Variants in TMEM44 observed in about 807,000 individuals in gnomAD.
The protein encoded by TMEM44 is transmembrane protein 44.
TMEM44 carries 43 observed loss-of-function variants against 47.8 expected under a neutral mutation model. That is an observed-to-expected ratio of 0.90 (90% CI 0.70 to 1.16). The LOEUF is 1.16. Ranked by LOEUF, TMEM44 falls within the 50% of genes most tolerant of loss-of-function variation. The pLI is 0.00. For synonymous variants in TMEM44, 277 were observed against 238.8 expected (o/e 1.16, Z -1.48); for missense variants, 568 against 555.2 (o/e 1.02, Z -0.23).
intron 9 of TMEM44, among the ~76,000 whole-genome samples, chr3:194,599,070 C>T (rs949939935): frequency 8.5e-5 from 13 of 152,170 alleles, no homozygotes; most frequent in East Asian, 1.9e-4. Context: ...CTGAGCCCAA[C>T]GCCATGAAAT....
chr3:194,617,326 G>A (rs1716023831), intron 5 of TMEM44, 57 bp from the exon 6 acceptor site: 3 of 1,458,946 alleles, frequency 2.1e-6, no homozygotes, highest in South Asian at 1.4e-5. Flanking sequence ...AAGACCCAGG[G>A]CCCTCAGTGG....
intron 5 of TMEM44, 148 bp from the exon 6 acceptor site, chr3:194,617,417 C>T (rs1161841212): frequency 4.2e-6 from 4 of 960,500 alleles, no homozygotes; most frequent in Admixed American, 3.0e-5. Context: ...AGCTTTTGCT[C>T]GAGTTGCTTC....
At chr3:194,599,362 G>C (rs1159338652) in intron 9 of TMEM44, among the ~76,000 whole-genome samples, 1 of 152,100 alleles carries the variant, frequency 6.6e-6, no homozygotes. Flanking sequence ...GCGAAGTGTG[G>C]TGACACTTCA....
chr3:194,615,781 C>T, intron 6 of TMEM44, 84 bp from the exon 7 acceptor site: 1 of 1,538,382 alleles, frequency 6.5e-7, no homozygotes, highest in Non-Finnish European at 8.8e-7. Context: ...ATGCTGCCAC[C>T]CCCCTCCCCA....
intron 7 of TMEM44, among the ~76,000 whole-genome samples, chr3:194,614,009 C>A (rs1250710409): frequency 1.3e-5 from 2 of 151,840 alleles, no homozygotes; most frequent in Non-Finnish European, 2.9e-5. Flanking sequence ...GTAATCCCAG[C>A]TACTTGGGAG....
chr3:194,592,078 C>T lies in TMEM44; in HGVS notation c.1177-3439G>A, dbSNP rs999454447. On this transcript the variant is annotated intron_variant, in intron 9 of 9. Coordinates refer to ENST00000347147, the MANE Select transcript of TMEM44 (RefSeq NM_001011655.3). ...CTAAAAATACAAAAAATTAGCCGGGCGCGGTGGCGGGCGCCTGTAGTCCCA... is the reference window on the plus strand; with the variant it reads ...CTAAAAATACAAAAAATTAGCCGGGTGCGGTGGCGGGCGCCTGTAGTCCCA... 1.8e-4 allele frequency among the ~76,000 whole-genome samples: 27 copies of T among 152,014 alleles called. No homozygotes were observed. The South Asian group carries it at 2.3e-3, about 13-fold the overall frequency.
intron 5 of TMEM44, chr3:194,622,699 C>T (rs1190368531): frequency 6.5e-6 from 1 of 152,748 alleles, no homozygotes; most frequent in African/African-American, 2.4e-5. Context: ...CAAGCATGCA[C>T]CACCATGCCT....
Position 194,623,014 on chromosome 3 carries a change from C to A in TMEM44, c.612+210G>T, listed in dbSNP as rs1716730055. 8.3e-6 allele frequency: 4 copies of A among 483,464 alleles called. No homozygotes were observed. The Admixed American group carries it at 1.7e-4, about 21-fold the overall frequency. 29.9% of individuals were successfully genotyped at this position (483,464 alleles called of 1,614,324 possible). On this transcript the variant is annotated intron_variant, in intron 5 of 9. Transcript: ENST00000347147. ...CGGGCTTTCCCCGAGAGGCTCCCGC[C>A]GTCCTCAGGACGCCCTGGGTTGGCT... is the stretch of plus-strand genomic sequence containing the variant.
chr3:194,626,118 G>T, intron 2 of TMEM44, 128 bp from the exon 3 acceptor site: 1 of 687,132 alleles, frequency 1.5e-6, no homozygotes, highest in South Asian at 1.7e-5. Context: ...ACTCCTCCAG[G>T]GACACCTCCT....
intron 9 of TMEM44, among the ~76,000 whole-genome samples, chr3:194,591,357 G>A (rs923671705): frequency 6.7e-6 from 1 of 149,714 alleles, no homozygotes; most frequent in African/African-American, 2.5e-5. Flanking sequence ...AGCCAGGCAT[G>A]GTGACAGGCG....
intron 9 of TMEM44, among the ~76,000 whole-genome samples, chr3:194,591,197 GAAAT>G (rs1353997758): frequency 4.7e-5 from 7 of 149,880 alleles, no homozygotes; most frequent in African/African-American, 7.4e-5. Context: ...TCCATCTCAA[GAAAT>G]AAATAAATAG....
At chr3:194,620,298 A>AG (rs1201713377) in intron 5 of TMEM44, among the ~76,000 whole-genome samples, 1 of 151,366 alleles carries the variant, frequency 6.6e-6, no homozygotes, top group Non-Finnish European at 1.5e-5. Flanking sequence ...TCAAAAAAAA[A>AG]AAAAAAAAAA....
intron 9 of TMEM44, among the ~76,000 whole-genome samples, chr3:194,591,250 T>C (rs541682021): frequency 8.8e-4 from 133 of 151,908 alleles, no homozygotes; most frequent in African/African-American, 2.9e-3. Flanking sequence ...CCCAACACTC[T>C]GGGAGGCTGA....
chr3:194,598,261 G>A (rs981395626), intron 9 of TMEM44, among the ~76,000 whole-genome samples: 3 of 152,114 alleles, frequency 2.0e-5, no homozygotes, highest in East Asian at 1.9e-4. Context: ...TGTCTCAGCC[G>A]TCTCCTGTTC....
intron 9 of TMEM44, among the ~76,000 whole-genome samples, chr3:194,598,590 C>G (rs1713693975): frequency 6.6e-6 from 1 of 152,130 alleles, no homozygotes; most frequent in African/African-American, 2.4e-5. Context: ...TGCTGGGAAG[C>G]GATAGCCCAC....
At chr3:194,626,977 A>T (rs1312845423) in intron 2 of TMEM44, among the ~76,000 whole-genome samples, 1 of 149,462 alleles carries the variant, frequency 6.7e-6, no homozygotes, top group Non-Finnish European at 1.5e-5. Flanking sequence ...GCTGGAGTGC[A>T]GTGGCACGAT....
Position 194,615,563 on chromosome 3 carries a change from C to T in TMEM44, c.912+6G>A, listed in dbSNP as rs1707249389. ...CAGCCAGAGAGACCTTGTCCTCGTTCCTCACCTCCTGGTTTTCTTCCTCTT... is the reference window on the plus strand; with the variant it reads ...CAGCCAGAGAGACCTTGTCCTCGTTTCTCACCTCCTGGTTTTCTTCCTCTT... On this transcript the variant is annotated splice_donor_region_variant and intron_variant, in intron 7 of 9. Transcript: ENST00000347147. 1.2e-6 allele frequency: 2 copies of T among 1,613,638 alleles called. No homozygotes were observed. Among genetic ancestry groups the T allele is most frequent in the Non-Finnish European group, 1.7e-6 (2 of 1,179,786 alleles).
rs764875397 is a variant in TMEM44, at chr3:194,625,840, G to A, written c.358+57C>T. On this transcript the variant is annotated intron_variant, in intron 3 of 9. Transcript: ENST00000347147. ...TGGGAGTGATAAGGAGTAGGCATTC[G>A]GCGTGCTGATGAATGAATGGGTGAA... 2.1e-5 allele frequency: 31 copies of A among 1,444,538 alleles called. 1 individual carries two copies. Among genetic ancestry groups the A allele is most frequent in the South Asian group, 1.1e-4 (10 of 87,400 alleles). 89.5% of individuals were successfully genotyped at this position (1,444,538 alleles called of 1,614,324 possible).
intron 9 of TMEM44, among the ~76,000 whole-genome samples, chr3:194,594,012 A>G (rs7374444): frequency 0.2 from 31,042 of 151,676 alleles, 4,073 homozygotes; most frequent in East Asian, 0.53. Flanking sequence ...GATGAGGTCT[A>G]TGGTGCCCAG....
Sources: gnomAD v4.1 joint callset for allele counts (sites outside exome capture counted in the v4.1 genomes callset) on GRCh38, gnomAD v4.1.1 for gene constraint, MANE v1.5 for transcripts, NCBI Gene and HGNC (gene_info 2026-07-23, HGNC 2026-07-21) for gene names.